Variants in SH3BGRL2 observed in about 807,000 individuals in gnomAD.
SH3BGRL2 encodes the protein SH3 domain-binding glutamic acid-rich-like protein 2.
Under a neutral mutation model 14.8 loss-of-function variants are expected in SH3BGRL2, and 21 were observed. That is an observed-to-expected ratio of 1.42 (90% confidence interval 1.01 to 2.05). The LOEUF is 2.05. Among genes scored for constraint, SH3BGRL2 ranks in the 30% most tolerant of loss-of-function variants. SH3BGRL2 has a pLI of 0.00. For missense variants in SH3BGRL2, 147 were observed against 130.8 expected (o/e 1.12, Z -0.61); for synonymous variants, 50 against 47.8 (o/e 1.05, Z -0.19).
At chr6:79,553,299 T>C in the SH3BGRL2 span, 1 of 152,170 alleles carries the variant, frequency 6.6e-6, no homozygotes, top group Non-Finnish European at 1.5e-5. Flanking sequence ...AGAATTAATA[T>C]GGAAATAATT....
At chr6:79,567,873 C>G in the SH3BGRL2 span, among the ~76,000 whole-genome samples, 1 of 152,068 alleles carries the variant, frequency 6.6e-6, no homozygotes. Context: ...TTAGTATTCT[C>G]TATATTTTTA....
At chr6:79,640,241 T>C (rs1056223532) in intron 1 of SH3BGRL2, among the ~76,000 whole-genome samples, 4 of 152,190 alleles carry the variant, frequency 2.6e-5, no homozygotes, top group African/African-American at 9.7e-5. Context: ...CCTCTCTTAA[T>C]AGGCTTATCT....
chr6:79,635,802 C>T (rs1347713641), intron 1 of SH3BGRL2, among the ~76,000 whole-genome samples: 1 of 152,184 alleles, frequency 6.6e-6, no homozygotes, highest in African/African-American at 2.4e-5. Flanking sequence ...ACATGGAAAC[C>T]ATGCTCAGAG....
At chr6:79,665,603 C>G (rs999925208) in intron 1 of SH3BGRL2, among the ~76,000 whole-genome samples, 4 of 152,110 alleles carry the variant, frequency 2.6e-5, no homozygotes, top group African/African-American at 9.7e-5. Flanking sequence ...AAAATATTGA[C>G]TGGTTAAAAA....
the SH3BGRL2 span, among the ~76,000 whole-genome samples, chr6:79,584,329 T>C: frequency 6.6e-6 from 1 of 152,190 alleles, no homozygotes; most frequent in Non-Finnish European, 1.5e-5. Flanking sequence ...CCGGTGAGCA[T>C]GCATTCAGAG....
intron 2 of SH3BGRL2, among the ~76,000 whole-genome samples, chr6:79,692,607 A>G (rs1408464735): frequency 6.6e-6 from 1 of 152,348 alleles, no homozygotes; most frequent in African/African-American, 2.4e-5. Flanking sequence ...CATTTATTAA[A>G]TAGAGACTCC....
the SH3BGRL2 span, among the ~76,000 whole-genome samples, chr6:79,555,499 G>A: frequency 5.3e-5 from 8 of 152,182 alleles, no homozygotes; most frequent in Middle Eastern, 6.8e-3. Flanking sequence ...AAACTTGGAC[G>A]CATAAACTGA....
chr6:79,606,817 GCTTT>G, the SH3BGRL2 span, among the ~76,000 whole-genome samples: 4 of 151,482 alleles, frequency 2.6e-5, no homozygotes, highest in Admixed American at 2.0e-4. Context: ...GTGCATTCTT[GCTTT>G]CTTTCTTTTT....
At chr6:79,692,132 T>A (rs1449731386) in intron 2 of SH3BGRL2, among the ~76,000 whole-genome samples, 1 of 152,214 alleles carries the variant, frequency 6.6e-6, no homozygotes. Context: ...TTTCATGAGT[T>A]TTTTGGCTGC....
At chr6:79,619,987 T>G in the SH3BGRL2 span, among the ~76,000 whole-genome samples, 1 of 152,228 alleles carries the variant, frequency 6.6e-6, no homozygotes. Flanking sequence ...AAACAAATGT[T>G]TCTGATCTCT....
chr6:79,553,714 G>A, the SH3BGRL2 span, among the ~76,000 whole-genome samples: 1 of 152,188 alleles, frequency 6.6e-6, no homozygotes, highest in African/African-American at 2.4e-5. Context: ...GCTCACGCCT[G>A]TAATCCTAGC....
chr6:79,670,899 G>A (rs1260023470), intron 1 of SH3BGRL2, among the ~76,000 whole-genome samples: 3 of 152,168 alleles, frequency 2.0e-5, no homozygotes, highest in Non-Finnish European at 4.4e-5. Flanking sequence ...AGCCTGCTTT[G>A]TGTTTTCATT....
chr6:79,674,625 T>A (rs1166661321), intron 2 of SH3BGRL2, among the ~76,000 whole-genome samples: 3 of 152,192 alleles, frequency 2.0e-5, no homozygotes, highest in Non-Finnish European at 4.4e-5. Context: ...TAGGCTGTAA[T>A]TAGCGTGGAG....
At position 79,699,638 on chromosome 6, in the gene SH3BGRL2, A is replaced by C; in HGVS notation, c.*129A>C. 1 of 1,273,766 alleles carries C rather than the reference A, an allele frequency of 7.9e-7. No individual in the cohort carries two copies. Among genetic ancestry groups the C allele is most frequent in the Non-Finnish European group, 1.0e-6 (1 of 963,772 alleles). 78.9% of individuals were successfully genotyped at this position (1,273,766 alleles called of 1,614,324 possible). On this transcript the variant is annotated 3_prime_UTR_variant, in exon 4 of 4. Transcript: ENST00000369838. ...ATCAGTAACTTTGCTTGCCACGGAA[A>C]AGGTGTTTTTGAAAGATGTGGCTAT...
chr6:79,633,196 G>C (rs1052612360), intron 1 of SH3BGRL2, among the ~76,000 whole-genome samples: 2 of 152,138 alleles, frequency 1.3e-5, no homozygotes, highest in African/African-American at 4.8e-5. Context: ...AAAATTAAGA[G>C]ACTTAAGTTT....
At chr6:79,650,699 G>A (rs1769272753) in intron 1 of SH3BGRL2, among the ~76,000 whole-genome samples, 1 of 152,036 alleles carries the variant, frequency 6.6e-6, no homozygotes, top group South Asian at 2.1e-4. Flanking sequence ...AGACATCCTT[G>A]AGGGATCTGC....
chr6:79,693,833 A>C (rs990712483), intron 2 of SH3BGRL2, among the ~76,000 whole-genome samples: 1 of 152,168 alleles, frequency 6.6e-6, no homozygotes, highest in Non-Finnish European at 1.5e-5. Flanking sequence ...GAGATTAGAC[A>C]AAGGTTGATA....
chr6:79,584,115 AT>A, the SH3BGRL2 span, among the ~76,000 whole-genome samples: 1 of 152,158 alleles, frequency 6.6e-6, no homozygotes, highest in Non-Finnish European at 1.5e-5. Context: ...TATGGTCCTC[AT>A]TTACTTTATT....
intron 1 of SH3BGRL2, among the ~76,000 whole-genome samples, chr6:79,646,386 A>C (rs190528112): frequency 5.9e-5 from 9 of 152,340 alleles, no homozygotes; most frequent in African/African-American, 2.2e-4. Flanking sequence ...TAATACTTCT[A>C]GAGCAGTGTA....
Sources: gnomAD v4.1 joint callset for allele counts (sites outside exome capture counted in the v4.1 genomes callset) on GRCh38, gnomAD v4.1.1 for gene constraint, MANE v1.5 for transcripts, NCBI Gene and HGNC (gene_info 2026-07-23, HGNC 2026-07-21) for gene names.